IFT80: variants seen among roughly 807,000 people sequenced by gnomAD.
The protein encoded by IFT80 is intraflagellar transport 80.
In IFT80, 79 loss-of-function variants were observed where a neutral mutation model predicts 107.9. The ratio of observed to expected loss-of-function variants is 0.73; its 90% CI spans 0.61 to 0.88. The LOEUF is 0.88. Ranked by LOEUF, IFT80 falls within the 40% of genes least tolerant of loss-of-function variation. The probability of loss-of-function intolerance (pLI) is 0.00; values close to 1 mark genes in which losing one functional copy is unlikely to be tolerated. For synonymous variants in IFT80, 299 were observed against 300.9 expected (o/e 0.99, Z 0.07); for missense variants, 797 against 914.2 (o/e 0.87, Z 1.65).
intron 8 of IFT80, among the ~76,000 whole-genome samples, chr3:160,327,748 T>C (rs759989908): frequency 9.9e-5 from 15 of 152,038 alleles, no homozygotes; most frequent in Admixed American, 2.6e-4. Context: ...GAAGAAAACC[T>C]AGGCAATACC....
At chr3:160,297,900 C>A (rs896570754) in intron 12 of IFT80, among the ~76,000 whole-genome samples, 4 of 152,066 alleles carry the variant, frequency 2.6e-5, no homozygotes, top group Non-Finnish European at 4.4e-5. Context: ...TCAGTGTTAA[C>A]ATGTAATAGA....
In IFT80 at chr3:160,356,157, A is replaced by T. The variant is rs1721074376; in HGVS notation, c.640-7T>A. The T allele has an allele frequency of 1.2e-6, 2 of 1,610,934 alleles. No individual in the cohort carries two copies. Among genetic ancestry groups the T allele is most frequent in the African/African-American group, 1.3e-5 (1 of 74,902 alleles). Reference sequence around the variant, plus strand: ...GGCCGTAACTATCCCATACCTACAAAAGCAATTTTTAAAAATCTTTTATAA... The same window carrying T: ...GGCCGTAACTATCCCATACCTACAATAGCAATTTTTAAAAATCTTTTATAA... On this transcript the variant is annotated splice_polypyrimidine_tract_variant and splice_region_variant and intron_variant, in intron 7 of 19. Coordinates refer to ENST00000326448, the MANE Select transcript of IFT80 (RefSeq NM_020800.3).
At position 160,381,627 on chromosome 3, in the gene IFT80, A is replaced by T. The variant is rs762238566; in HGVS notation, c.135T>A (p.Ser45Arg). 12 of 1,612,760 alleles carry T rather than the reference A, an allele frequency of 7.4e-6. No homozygotes were observed. Among genetic ancestry groups the T allele is most frequent in the Non-Finnish European group, 1.0e-5 (12 of 1,179,878 alleles). Residue 45 changes from serine to arginine, a missense_variant, in exon 3 of 20, where the codon AGT becomes AGA. Transcript: ENST00000326448. The stretch of plus-strand genomic sequence containing the variant: ...GAAGCTTTACTATTTGAGTTGTTTC[A>T]CTGGTTAACAAGTTCCACTTCACTA... Reference protein sequence around the residue: ...HQIVKWNLLTSETTQIVKLPD... With the variant: ...HQIVKWNLLTRETTQIVKLPD...
intron 11 of IFT80, 67 bp from the exon 12 acceptor site, chr3:160,301,113 A>G (rs1397134733): frequency 1.5e-6 from 2 of 1,369,536 alleles, no homozygotes; most frequent in Non-Finnish European, 2.0e-6. Flanking sequence ...TTCATATTAC[A>G]GAATAGTTTA....
intron 11 of IFT80, among the ~76,000 whole-genome samples, chr3:160,301,433 T>C (rs1716414645): frequency 6.6e-6 from 1 of 151,966 alleles, no homozygotes; most frequent in Admixed American, 6.6e-5. Context: ...ATTTGTTTCA[T>C]GAAACAGTCT....
At chr3:160,368,934 C>A (rs1722049104) in intron 5 of IFT80, among the ~76,000 whole-genome samples, 1 of 151,848 alleles carries the variant, frequency 6.6e-6, no homozygotes, top group Non-Finnish European at 1.5e-5. Flanking sequence ...TTGAGTTATA[C>A]AGGATGTGAC....
chr3:160,280,507 T>A (rs1005139103), intron 15 of IFT80, among the ~76,000 whole-genome samples, 160 bp downstream of exon 15: 9 of 152,216 alleles, frequency 5.9e-5, no homozygotes, highest in Admixed American at 2.6e-4. Flanking sequence ...CTTGATTCTG[T>A]CACTTAAGTC....
rs556274632 is a variant in IFT80 at position 160,348,095 on chromosome 3, G to A, written c.777+7918C>T. On this transcript the variant is annotated intron_variant, in intron 8 of 19. Coordinates refer to ENST00000326448, the MANE Select transcript of IFT80 (RefSeq NM_020800.3). ...CATTATTAATCTTTTCAACTTATTG[G>A]GTAAAATATATCATTTTATTTATTT... 2.0e-5 allele frequency among the ~76,000 whole-genome samples: 3 copies of A among 151,534 alleles called. No homozygotes were observed. In the South Asian group the frequency reaches 6.3e-4, roughly 32 times the overall value.
At chr3:160,290,196 T>C (rs558813856) in intron 12 of IFT80, among the ~76,000 whole-genome samples, 1 of 151,890 alleles carries the variant, frequency 6.6e-6, no homozygotes, top group East Asian at 1.9e-4. Context: ...CACTTGAGGT[T>C]AGGAGTTTGA....
At chr3:160,297,504 A>G (rs1454220718) in intron 12 of IFT80, among the ~76,000 whole-genome samples, 3 of 152,260 alleles carry the variant, frequency 2.0e-5, no homozygotes, top group African/African-American at 7.2e-5. Flanking sequence ...AGAGGATTGC[A>G]CTTTTAATAC....
Position 160,301,217 on chromosome 3 carries a change from TG to T in IFT80, c.1152-172del, listed in dbSNP as rs1260056687. 2.0e-5 allele frequency among the ~76,000 whole-genome samples: 3 copies of T among 152,128 alleles called. No individual in the cohort carries two copies. In the East Asian group the frequency reaches 5.8e-4, roughly 29 times the overall value. ...TTAAACACTGAAAGCCAGCATTGGT[TG>T]TTTTGGTTTGTTTTCTGGGTTTTTG... On this transcript the variant is annotated intron_variant, in intron 11 of 19. Transcript: ENST00000326448.
Position 160,285,862 on chromosome 3 carries a change from A to G in IFT80, c.1322T>C (p.Phe441Ser). ...IRDKADEKIIFLFEASTGKPL... is the reference protein window; with the variant it reads ...IRDKADEKIISLFEASTGKPL... The stretch of plus-strand genomic sequence containing the variant: ...CTTTCCGGTTGATGCCTCAAAGAGG[A>G]AGATTACTTGAAAAAAAGTAGAACA... The change falls in exon 13 of 20, where the codon TTC (phenylalanine) becomes TCC (serine). Residue 441 changes from phenylalanine to serine, a missense_variant. Transcript: ENST00000326448. 1 of 1,610,558 alleles carries G rather than the reference A, an allele frequency of 6.2e-7. No homozygotes were observed. The highest frequency in any genetic ancestry group is 8.5e-7 in the Non-Finnish European group (1 of 1,177,460).
chr3:160,384,717 G>T, intron 1 of IFT80, 71 bp from the exon 2 acceptor site: 1 of 1,208,548 alleles, frequency 8.3e-7, no homozygotes, highest in Non-Finnish European at 1.2e-6. Context: ...AACACAAAAG[G>T]CAAACAAAAC....
At chr3:160,282,384 C>T in intron 14 of IFT80, 94 bp downstream of exon 14, 1 of 921,948 alleles carries the variant, frequency 1.1e-6, no homozygotes. Context: ...AAGATCAAAA[C>T]ATTAAAACAT....
intron 1 of IFT80, among the ~76,000 whole-genome samples, chr3:160,397,117 G>A (rs1438363190): frequency 6.6e-6 from 1 of 151,996 alleles, no homozygotes; most frequent in Non-Finnish European, 1.5e-5. Flanking sequence ...TGACTTCAAG[G>A]GTTTATACTC....
At chr3:160,259,492 G>C (rs1344489469) in intron 19 of IFT80, among the ~76,000 whole-genome samples, 1 of 152,178 alleles carries the variant, frequency 6.6e-6, no homozygotes, top group Non-Finnish European at 1.5e-5. Context: ...TGGCTCCTTT[G>C]CACCAACTCT....
chr3:160,269,096 GT>G (rs909008240), intron 18 of IFT80, among the ~76,000 whole-genome samples: 1 of 152,070 alleles, frequency 6.6e-6, no homozygotes. Flanking sequence ...GGGCGTGGTG[GT>G]ACATGCCTGT....
chr3:160,312,784 TAA>T lies in IFT80; in HGVS notation c.958-5005_958-5004del, dbSNP rs1491325180. On this transcript the variant is annotated intron_variant, in intron 9 of 19. Transcript: ENST00000326448. ...TAAATGTATATTATATATAAATATA[TAA>T]TATATATATAATAAATGTATATTAT... Among the ~76,000 whole-genome samples, 8 of 27,682 alleles carry T rather than the reference TAA, an allele frequency of 2.9e-4. No individual in the cohort carries two copies. In the South Asian group the frequency reaches 8.0e-3, roughly 28 times the overall value. The allele number at this position is 27,682 out of a possible 152,430, so 18.2% of individuals were successfully genotyped here.
chr3:160,345,855 CA>C (rs1189285476), intron 8 of IFT80, among the ~76,000 whole-genome samples: 2 of 151,802 alleles, frequency 1.3e-5, no homozygotes, highest in African/African-American at 4.8e-5. Flanking sequence ...TGACTATAGT[CA>C]ATAATTTAAT....
Sources: allele counts gnomAD v4.1 joint callset (sites outside exome capture counted in the v4.1 genomes callset), GRCh38; gene constraint gnomAD v4.1.1; transcripts MANE v1.5; gene names NCBI Gene and HGNC (gene_info 2026-07-23, HGNC 2026-07-21).